The following GPC6 variants were observed in gnomAD, a reference collection of about 807,000 sequenced individuals.
GPC6 encodes glypican-6.
In GPC6, 14 loss-of-function variants were observed where a neutral mutation model predicts 55.2. The ratio of observed to expected loss-of-function variants is 0.25; its 90% CI spans 0.17 to 0.40. The LOEUF is 0.40. GPC6 is among the 10% of genes least tolerant of loss of function. The probability of loss-of-function intolerance (pLI) is 1.00; values close to 1 mark genes in which losing one functional copy is unlikely to be tolerated. For missense variants in GPC6, 641 were observed against 708.5 expected, an observed-to-expected ratio of 0.90 and a Z score of 1.08; for synonymous variants, 278 against 259.6, an observed-to-expected ratio of 1.07 and a Z score of -0.68.
chr13:93,831,764 A>G (rs1330873918), intron 3 of GPC6, among the ~76,000 whole-genome samples: 1 of 152,006 alleles, frequency 6.6e-6, no homozygotes, highest in Non-Finnish European at 1.5e-5. Flanking sequence ...GGGCTTATTT[A>G]TCAATATAAA....
intron 4 of GPC6, among the ~76,000 whole-genome samples, chr13:94,107,113 G>A (rs896698593): frequency 8.5e-5 from 13 of 152,084 alleles, no homozygotes; most frequent in African/African-American, 1.7e-4. Flanking sequence ...TTTTGGGGCC[G>A]GGTCATGAGG....
chr13:94,266,433 G>T (rs902203299), intron 4 of GPC6, among the ~76,000 whole-genome samples: 4 of 152,170 alleles, frequency 2.6e-5, no homozygotes, highest in Non-Finnish European at 5.9e-5. Flanking sequence ...CTCCCAAAGT[G>T]CTGGGATTAC....
chr13:93,871,891 CCA>C (rs1889143526), intron 3 of GPC6, among the ~76,000 whole-genome samples: 2 of 151,854 alleles, frequency 1.3e-5, no homozygotes, highest in African/African-American at 4.8e-5. Flanking sequence ...AATTTTACCC[CCA>C]GTGTATTAAT....
In GPC6 at chr13:93,676,313, A is replaced by G. The variant is rs1365070591; in HGVS notation, c.319+130892A>G. 2.0e-5 allele frequency among the ~76,000 whole-genome samples: 3 copies of G among 151,562 alleles called. No individual in the cohort carries two copies. The East Asian group carries it at 5.8e-4, about 29-fold the overall frequency. ...ATGCCCGTAATCCCAGCTACTCAGG[A>G]GTCTGAGGCAGGAGAATCTCTTGAA... is the stretch of plus-strand genomic sequence containing the variant. On this transcript the variant is annotated intron_variant, in intron 2 of 8. Transcript: ENST00000377047.
intron 2 of GPC6, among the ~76,000 whole-genome samples, chr13:93,650,284 T>C (rs1230985274): frequency 6.6e-6 from 1 of 152,168 alleles, no homozygotes; most frequent in African/African-American, 2.4e-5. Flanking sequence ...ATCTAAATAA[T>C]TGACTTTCCA....
intron 2 of GPC6, among the ~76,000 whole-genome samples, chr13:93,607,052 A>T (rs1297101090): frequency 6.6e-6 from 1 of 152,092 alleles, no homozygotes; most frequent in Non-Finnish European, 1.5e-5. Context: ...GACTTTCCAC[A>T]CTGTATTTAT....
chr13:94,110,934 G>A (rs755088478), intron 4 of GPC6, among the ~76,000 whole-genome samples: 3 of 152,010 alleles, frequency 2.0e-5, no homozygotes, highest in Non-Finnish European at 4.4e-5. Context: ...ATTTGATAGT[G>A]CTGACTTGTT....
chr13:93,687,145 A>G (rs548669075), intron 2 of GPC6, among the ~76,000 whole-genome samples: 3 of 152,184 alleles, frequency 2.0e-5, no homozygotes, highest in Non-Finnish European at 4.4e-5. Flanking sequence ...GTAGAAAATC[A>G]GTTTAATTTA....
chr13:93,910,449 C>CA (rs1305270423), intron 3 of GPC6, among the ~76,000 whole-genome samples: 3 of 151,870 alleles, frequency 2.0e-5, no homozygotes, highest in Non-Finnish European at 4.4e-5. Flanking sequence ...AGAACTAATA[C>CA]AATGTGTGTG....
chr13:94,150,017 C>T (rs1593989141), intron 4 of GPC6, among the ~76,000 whole-genome samples: 1 of 152,098 alleles, frequency 6.6e-6, no homozygotes, highest in Non-Finnish European at 1.5e-5. Context: ...ACAGGAAGCA[C>T]ATGGAGTTTG....
intron 2 of GPC6, among the ~76,000 whole-genome samples, chr13:93,823,504 A>G (rs543648626): frequency 1.3e-5 from 2 of 152,240 alleles, no homozygotes; most frequent in East Asian, 3.9e-4. Context: ...AAAGCCTGTA[A>G]TAAAATATCT....
At position 93,386,840 on chromosome 13, in the gene GPC6, A is replaced by G. The variant is rs182251928; in HGVS notation, c.161-158423A>G. 1.7e-3 allele frequency among the ~76,000 whole-genome samples: 266 copies of G among 152,250 alleles called. 2 individuals carry two copies. The highest frequency in any genetic ancestry group is 7.8e-4 in the Non-Finnish European group (53 of 68,024). On this transcript the variant is annotated intron_variant, in intron 1 of 8. Transcript: ENST00000377047. ...AATCCTTTCTTGCCTCTTTCAGTTT[A>G]TGGAAGCTCTATGCATGCCTTGTTC...
intron 2 of GPC6, among the ~76,000 whole-genome samples, chr13:93,560,035 G>A (rs916933074): frequency 3.3e-5 from 5 of 152,066 alleles, no homozygotes; most frequent in African/African-American, 1.2e-4. Context: ...TCGCTGCACA[G>A]TCTACACAGA....
At chr13:93,777,508 C>T (rs1330215336) in intron 2 of GPC6, among the ~76,000 whole-genome samples, 1 of 152,068 alleles carries the variant, frequency 6.6e-6, no homozygotes, top group Non-Finnish European at 1.5e-5. Context: ...AAGTGAATGG[C>T]TTTAGAGATT....
At chr13:93,852,844 T>A (rs2139014719) in intron 3 of GPC6, among the ~76,000 whole-genome samples, 1 of 151,814 alleles carries the variant, frequency 6.6e-6, no homozygotes, top group East Asian at 1.9e-4. Context: ...ACCCTCTCTC[T>A]TATTGGCTAG....
chr13:94,179,986 AT>A (rs1296121942), intron 4 of GPC6, among the ~76,000 whole-genome samples: 1 of 152,330 alleles, frequency 6.6e-6, no homozygotes, highest in South Asian at 2.1e-4. Flanking sequence ...ATAGGAAGGC[AT>A]GTAAACTCAA....
chr13:93,446,180 T>A (rs1326926208), intron 1 of GPC6, among the ~76,000 whole-genome samples: 5 of 152,004 alleles, frequency 3.3e-5, no homozygotes, highest in Non-Finnish European at 7.4e-5. Flanking sequence ...AGGTCAAGAG[T>A]AAGAGTATAG....
chr13:94,319,618 T>C lies in GPC6; in HGVS notation c.1152+13495T>C, dbSNP rs116666894. 4.5e-3 allele frequency among the ~76,000 whole-genome samples: 690 copies of C among 152,322 alleles called. 6 individuals are homozygous for C. Among genetic ancestry groups the C allele is most frequent in the African/African-American group, 0.012 (486 of 41,574 alleles). On this transcript the variant is annotated intron_variant, in intron 6 of 8. Coordinates refer to ENST00000377047, the MANE Select transcript of GPC6 (RefSeq NM_005708.5). ...CTTTACTGAGAGTTTTATTTGAAAA[T>C]GTCTTTTTGCCCTCATTCTTGAAAG...
intron 2 of GPC6, among the ~76,000 whole-genome samples, chr13:93,784,150 A>G (rs1179515962): frequency 6.6e-6 from 1 of 152,202 alleles, no homozygotes; most frequent in Non-Finnish European, 1.5e-5. Context: ...AGAGATAATC[A>G]GAGGCAGGGT....
Sources: gnomAD v4.1 joint callset for allele counts (sites outside exome capture counted in the v4.1 genomes callset) on GRCh38, gnomAD v4.1.1 for gene constraint, MANE v1.5 for transcripts, NCBI Gene and HGNC (gene_info 2026-07-23, HGNC 2026-07-21) for gene names.